Variants in NBAS observed in about 807,000 individuals in gnomAD.
NBAS encodes the protein NBAS subunit of NRZ tethering complex, also known as NAG/BC035112 fusion.
NBAS carries 219 observed loss-of-function variants against 302.5 expected under a neutral mutation model. The observed-to-expected ratio is 0.72, with a 90% CI of 0.65 to 0.81. The LOEUF (loss-of-function observed/expected upper bound fraction) is 0.81. Ranked by LOEUF, NBAS falls within the 30% of genes least tolerant of loss-of-function variation. NBAS has a pLI of 0.00. For synonymous variants in NBAS, 1,118 were observed against 1,021.6 expected, an observed-to-expected ratio of 1.09 and a Z score of -1.80; for missense variants, 2,932 against 2,841.6, an observed-to-expected ratio of 1.03 and a Z score of -0.72.
At position 15,415,649 on chromosome 2, in the gene NBAS, T is replaced by C; in HGVS notation, c.2834A>G (p.Gln945Arg). The C allele has an allele frequency of 6.2e-7, 1 of 1,614,186 alleles. No individual in the cohort carries two copies. Among genetic ancestry groups the C allele is most frequent in the Non-Finnish European group, 8.5e-7 (1 of 1,180,024 alleles). ...TAGCTCATTAGCCACACCAGGCGAC[T>C]GTTTCTCACAACGATGAAGAAAGGG... Reference protein sequence around the residue: ...MVPFLHRCEKQSPGVANELLK... With the variant: ...MVPFLHRCEKRSPGVANELLK... Residue 945 changes from glutamine (Q) to arginine (R), a missense_variant, in exon 25 of 52, where the codon CAG (glutamine) becomes CGG (arginine). Coordinates refer to ENST00000281513, the MANE Select transcript of NBAS (RefSeq NM_015909.4).
At chr2:15,444,869 G>A (rs1287965350) in intron 21 of NBAS, among the ~76,000 whole-genome samples, 1 of 152,094 alleles carries the variant, frequency 6.6e-6, no homozygotes, top group Non-Finnish European at 1.5e-5. Context: ...CTTCTCAAAA[G>A]AAGACATTTA....
intron 10 of NBAS, among the ~76,000 whole-genome samples, chr2:15,505,340 C>G (rs1661794048): frequency 6.6e-6 from 1 of 152,110 alleles, no homozygotes; most frequent in Non-Finnish European, 1.5e-5. Context: ...ATAAAAGCAT[C>G]CAGGTTAATC....
At chr2:15,527,865 G>A (rs1435630861) in intron 9 of NBAS, among the ~76,000 whole-genome samples, 2 of 152,110 alleles carry the variant, frequency 1.3e-5, no homozygotes, top group African/African-American at 4.8e-5. Flanking sequence ...GCGTGAACCA[G>A]TACCTGATCA....
chr2:15,254,525 GCTTT>G (rs1408904699), intron 44 of NBAS, among the ~76,000 whole-genome samples: 1 of 152,082 alleles, frequency 6.6e-6, no homozygotes, highest in Admixed American at 6.6e-5. Flanking sequence ...CCAGTGCTTT[GCTTT>G]CTTTTTTTTC....
chr2:15,487,849 A>C (rs190544015), intron 12 of NBAS, among the ~76,000 whole-genome samples: 2 of 152,356 alleles, frequency 1.3e-5, no homozygotes, highest in Admixed American at 1.3e-4. Flanking sequence ...AGATCCAATA[A>C]GGGAGAAAGA....
intron 21 of NBAS, among the ~76,000 whole-genome samples, chr2:15,435,583 G>C (rs1342695802): frequency 6.6e-6 from 1 of 152,180 alleles, no homozygotes; most frequent in Non-Finnish European, 1.5e-5. Flanking sequence ...TAGCTAAGTT[G>C]CAGCTGGAAT....
intron 21 of NBAS, among the ~76,000 whole-genome samples, chr2:15,432,764 T>C (rs912006767): frequency 2.0e-5 from 3 of 152,168 alleles, no homozygotes; most frequent in Non-Finnish European, 4.4e-5. Flanking sequence ...ACACTGTGGT[T>C]GACATCACTG....
At position 15,166,966 on chromosome 2, in the gene NBAS, C is replaced by T. The variant is rs983767482; in HGVS notation, c.*82G>A. ...ATTTGTTGGAACCATGGAGAACAAT[C>T]GGCAGATACACATGTTGCTTCTGGG... On this transcript the variant is annotated 3_prime_UTR_variant, in exon 52 of 52. Coordinates refer to ENST00000281513, the MANE Select transcript of NBAS (RefSeq NM_015909.4). 9.6e-6 allele frequency: 14 copies of T among 1,457,300 alleles called. No homozygotes were observed. Among genetic ancestry groups the T allele is most frequent in the Middle Eastern group, 2.5e-4 (1 of 4,048 alleles). 90.3% of individuals were successfully genotyped at this position (1,457,300 alleles called of 1,614,324 possible).
chr2:14,799,480 G>A, the NBAS span, among the ~76,000 whole-genome samples: 1 of 151,896 alleles, frequency 6.6e-6, no homozygotes, highest in Non-Finnish European at 1.5e-5. Context: ...CCTACTATAT[G>A]GTCGATCTTA....
chr2:14,904,953 G>A, the NBAS span, among the ~76,000 whole-genome samples: 1 of 152,208 alleles, frequency 6.6e-6, no homozygotes, highest in East Asian at 1.9e-4. Context: ...GGAGGCTGAG[G>A]CAGGAGAATG....
the NBAS span, among the ~76,000 whole-genome samples, chr2:15,046,986 G>A: frequency 7.7e-4 from 118 of 152,292 alleles, no homozygotes; most frequent in Non-Finnish European, 1.4e-3. Context: ...CTGCTGGTGG[G>A]ACTTCTGACT....
At chr2:15,386,049 T>C (rs1034214431) in intron 28 of NBAS, among the ~76,000 whole-genome samples, 1 of 152,210 alleles carries the variant, frequency 6.6e-6, no homozygotes, top group African/African-American at 2.4e-5. Flanking sequence ...GTCAAAGCTA[T>C]CTAAATTACC....
the NBAS span, among the ~76,000 whole-genome samples, chr2:14,881,799 T>C: frequency 1.3e-5 from 2 of 152,218 alleles, no homozygotes; most frequent in Admixed American, 6.5e-5. Flanking sequence ...AGAGCCTGTA[T>C]GGTCTCCTAA....
chr2:15,111,854 C>T, the NBAS span, among the ~76,000 whole-genome samples: 1 of 148,852 alleles, frequency 6.7e-6, no homozygotes, highest in Admixed American at 6.7e-5. Context: ...CTCCCCTAAA[C>T]CAGGCCTCCC....
At chr2:15,232,026 T>A (rs1018137820) in intron 47 of NBAS, among the ~76,000 whole-genome samples, 1 of 152,200 alleles carries the variant, frequency 6.6e-6, no homozygotes, top group Non-Finnish European at 1.5e-5. Flanking sequence ...CTTTAATTTA[T>A]ACAAAGTTTT....
At chr2:15,027,199 C>T in the NBAS span, among the ~76,000 whole-genome samples, 9 of 152,222 alleles carry the variant, frequency 5.9e-5, no homozygotes, top group African/African-American at 1.9e-4. Context: ...TAGATAAGTG[C>T]ATAACAAGAA....
the NBAS span, among the ~76,000 whole-genome samples, chr2:15,005,075 G>A: frequency 1.3e-5 from 2 of 151,982 alleles, no homozygotes; most frequent in African/African-American, 4.8e-5. Flanking sequence ...AGTTACTTGT[G>A]CTTATAAAAT....
At chr2:15,555,107 C>A (rs2148714975) in intron 3 of NBAS, among the ~76,000 whole-genome samples, 1 of 151,628 alleles carries the variant, frequency 6.6e-6, no homozygotes, top group East Asian at 1.9e-4. Context: ...TGTTAGTGGC[C>A]AGGCACAATG....
In NBAS at chr2:15,186,141, T is replaced by TAC. The variant is rs1665071520; in HGVS notation, c.6711+599_6711+600dup. ...GTATGTATGTGTGTATATATATATA[T>TAC]ACACTTATGTATGTGTGTCTGTGTG... On this transcript the variant is annotated intron_variant, in intron 50 of 51. Coordinates refer to ENST00000281513, the MANE Select transcript of NBAS (RefSeq NM_015909.4). Among the ~76,000 whole-genome samples, 43 of 151,054 alleles carry TAC rather than the reference T, an allele frequency of 2.8e-4. No individual in the cohort carries two copies. The South Asian group carries it at 8.8e-3, about 31-fold the overall frequency.
Sources: gnomAD v4.1 joint callset for allele counts (sites outside exome capture counted in the v4.1 genomes callset) on GRCh38, gnomAD v4.1.1 for gene constraint, MANE v1.5 for transcripts, NCBI Gene and HGNC (gene_info 2026-07-23, HGNC 2026-07-21) for gene names.